Variants in PCDHGA6 observed in about 807,000 individuals in gnomAD.
The protein encoded by PCDHGA6 is protocadherin gamma-A6.
A neutral mutation model predicts 60.6 loss-of-function variants in PCDHGA6; 41 were observed. The ratio of observed to expected loss-of-function variants is 0.68; its 90% CI spans 0.53 to 0.88. The LOEUF (loss-of-function observed/expected upper bound fraction) is 0.88. Among genes scored for constraint, PCDHGA6 ranks in the 40% least tolerant of loss-of-function variants. The pLI, the probability that PCDHGA6 is intolerant of heterozygous loss-of-function variation, is 0.00. For synonymous variants in PCDHGA6, 594 were observed against 524.4 expected (o/e 1.13, Z -1.81); for missense variants, 1,312 against 1,203.0 (o/e 1.09, Z -1.34).
intron 1 of PCDHGA6, chr5:141,399,207 A>T (rs771939823): frequency 1.2e-6 from 2 of 1,613,992 alleles, no homozygotes; most frequent in South Asian, 2.2e-5. Flanking sequence ...TGCCTGGAAC[A>T]CTAATTGCTT....
intron 1 of PCDHGA6, among the ~76,000 whole-genome samples, chr5:141,444,476 C>A (rs1228271706): frequency 6.6e-6 from 1 of 152,088 alleles, no homozygotes; most frequent in Non-Finnish European, 1.5e-5. Flanking sequence ...CGGTCGCGTA[C>A]TGGATTTATA....
At chr5:141,428,136 G>A in intron 1 of PCDHGA6, 2 of 1,600,778 alleles carry the variant, frequency 1.2e-6, no homozygotes, top group South Asian at 1.1e-5. Flanking sequence ...TTTCAGCCTG[G>A]GGCTGCACAC....
Position 141,374,303 on chromosome 5 carries a change from C to A in PCDHGA6, c.220C>A (p.Leu74Ile). ...VRIVSRGRMQ[L>I]FSLNPRNGSL... ...CATCGTCTCCAGAGGTAGGATGCAG[C>A]TTTTCTCTCTGAATCCGCGAAACGG... is the stretch of plus-strand genomic sequence containing the variant. The change falls in exon 1 of 4, where the codon CTT (leucine) becomes ATT (isoleucine). Residue 74 changes from leucine to isoleucine, a missense_variant. Leu to Ile is a conservative substitution (Grantham distance 5). Transcript: ENST00000517434. 6.2e-7 allele frequency: 1 copy of A among 1,613,938 alleles called. No individual in the cohort carries two copies. Among genetic ancestry groups the A allele is most frequent in the Non-Finnish European group, 8.5e-7 (1 of 1,179,832 alleles).
intron 1 of PCDHGA6, among the ~76,000 whole-genome samples, chr5:141,436,410 G>T (rs2154557099): frequency 6.6e-6 from 1 of 152,200 alleles, no homozygotes; most frequent in East Asian, 1.9e-4. Flanking sequence ...TTGAATGAAT[G>T]GATAAACAAA....
intron 1 of PCDHGA6, among the ~76,000 whole-genome samples, chr5:141,467,743 C>T (rs1166073224): frequency 8.5e-5 from 13 of 152,052 alleles, no homozygotes; most frequent in Non-Finnish European, 1.8e-4. Flanking sequence ...CTCGCTGCAA[C>T]CTCCGCCTCA....
chr5:141,433,361 A>ATCTATCTATCTC, intron 1 of PCDHGA6: 1 of 297,578 alleles, frequency 3.4e-6, no homozygotes, highest in Non-Finnish European at 6.3e-6. Context: ...CTGTCTGCCT[A>ATCTATCTATCTC]TCTATCTATC....
Position 141,375,182 on chromosome 5 carries a change from G to A in PCDHGA6, c.1099G>A (p.Ala367Thr), listed in dbSNP as rs1194415432. The A allele has an allele frequency of 2.5e-6, 4 of 1,613,936 alleles. No individual in the cohort carries two copies. The highest frequency in any genetic ancestry group is 1.1e-5 in the South Asian group (1 of 91,082). Reference protein sequence around the residue: ...AESAPPGTVIALFQVFDRDSG... With the variant: ...AESAPPGTVITLFQVFDRDSG... ...AAGTGCACCTCCAGGAACAGTAATC[G>A]CCCTTTTTCAAGTGTTCGATCGAGA... The change falls in exon 1 of 4, where the codon GCC (alanine) becomes ACC (threonine). Residue 367 changes from alanine to threonine, a missense_variant. Ala to Thr is a moderately conservative substitution (Grantham distance 58, BLOSUM62 0). Transcript: ENST00000517434.
intron 1 of PCDHGA6, among the ~76,000 whole-genome samples, chr5:141,402,286 C>T (rs2094248272): frequency 6.6e-6 from 1 of 151,638 alleles, no homozygotes; most frequent in Non-Finnish European, 1.5e-5. Flanking sequence ...ATAATCTATC[C>T]TTATATATGT....
rs191188858 is a variant in PCDHGA6, at chr5:141,472,077, A to G, written c.2425-22730A>G. On this transcript the variant is annotated intron_variant, in intron 1 of 3. Transcript: ENST00000517434. ...GATTGACATGTCTGTGGTTATATCA[A>G]TGAGTACTATTATTATTCCCATTTT... 2.4e-3 allele frequency among the ~76,000 whole-genome samples: 365 copies of G among 152,346 alleles called. 2 individuals carry two copies. Among genetic ancestry groups the G allele is most frequent in the African/African-American group, 8.4e-3 (351 of 41,580 alleles).
At position 141,491,134 on chromosome 5, in the gene PCDHGA6, C is replaced by T. The variant is rs1594979273; in HGVS notation, c.2425-3673C>T. Reference sequence around the variant, plus strand: ...ACACACTGGTGAGGTGCGCACAGCCCGGGCCTTACTGGAGGATGACTCTGA... The same window carrying T: ...ACACACTGGTGAGGTGCGCACAGCCTGGGCCTTACTGGAGGATGACTCTGA... On this transcript the variant is annotated intron_variant, in intron 1 of 3. Transcript: ENST00000517434. The surrounding 1 kb of genome is among the most constrained non-coding windows in gnomAD (Gnocchi z 6.9). The T allele has an allele frequency of 6.2e-7, 1 of 1,614,138 alleles. No homozygotes were observed. Among genetic ancestry groups the T allele is most frequent in the Non-Finnish European group, 8.5e-7 (1 of 1,179,994 alleles).
rs775712620 is a variant in PCDHGA6, at chr5:141,491,341, G to T, written c.2425-3466G>T. 1 of 1,613,982 alleles carries T rather than the reference G, an allele frequency of 6.2e-7. No homozygotes were observed. The highest frequency in any genetic ancestry group is 8.5e-7 in the Non-Finnish European group (1 of 1,180,016). ...TTACCTCATTGTGGCTCTAGCGACC[G>T]TCAGTCTCTTATCCCTAGTCACCTT... On this transcript the variant is annotated intron_variant, in intron 1 of 3. Coordinates refer to ENST00000517434, the MANE Select transcript of PCDHGA6 (RefSeq NM_018919.3). The surrounding 1 kb of genome is among the most constrained non-coding windows in gnomAD (Gnocchi z 6.9).
chr5:141,396,626 A>G (rs1273835228), intron 1 of PCDHGA6: 1 of 152,182 alleles, frequency 6.6e-6, no homozygotes, highest in African/African-American at 2.4e-5. Flanking sequence ...TCTCAAAAAA[A>G]AAAAAAACTA....
At chr5:141,390,455 T>C (rs2092151799) in intron 1 of PCDHGA6, 6 of 771,128 alleles carry the variant, frequency 7.8e-6, no homozygotes, top group Non-Finnish European at 1.2e-5. Context: ...AGGAGTAAAG[T>C]AGGAGCAATT....
At chr5:141,475,715 C>T (rs989484033) in intron 1 of PCDHGA6, among the ~76,000 whole-genome samples, 1 of 152,366 alleles carries the variant, frequency 6.6e-6, no homozygotes, top group African/African-American at 2.4e-5. Context: ...AGCCTCACAG[C>T]CCCAAGGCTG....
intron 1 of PCDHGA6, among the ~76,000 whole-genome samples, chr5:141,470,814 A>T (rs1170059292): frequency 2.6e-5 from 4 of 152,006 alleles, no homozygotes; most frequent in Admixed American, 6.5e-5. Context: ...CAGCCTTCTG[A>T]GTAGTTAGGA....
At position 141,398,098 on chromosome 5, in the gene PCDHGA6, C is replaced by T. The variant is rs770737294; in HGVS notation, c.2424+21591C>T. 2.5e-6 allele frequency: 4 copies of T among 1,596,954 alleles called. No homozygotes were observed. In the South Asian group the frequency reaches 4.5e-5, roughly 18 times the overall value. ...TTATTTGTAACCTGGCGTCTCCAGGCTGGTGAGCAAGCTGAGGAGAGCAAG... is the reference window on the plus strand; with the variant it reads ...TTATTTGTAACCTGGCGTCTCCAGGTTGGTGAGCAAGCTGAGGAGAGCAAG... On this transcript the variant is annotated intron_variant, in intron 1 of 3. Transcript: ENST00000517434.
chr5:141,399,695 C>G, intron 1 of PCDHGA6: 1 of 1,613,480 alleles, frequency 6.2e-7, no homozygotes, highest in South Asian at 1.1e-5. Flanking sequence ...CAGCTGCGCA[C>G]CTTCGAACTC....
chr5:141,382,592 A>C (rs1264942970), intron 1 of PCDHGA6: 2 of 246,462 alleles, frequency 8.1e-6, no homozygotes, highest in Non-Finnish European at 1.5e-5. Flanking sequence ...TTGAAAGATG[A>C]AACAATTTTC....
intron 2 of PCDHGA6, among the ~76,000 whole-genome samples, chr5:141,500,928 G>A (rs2099803943): frequency 6.6e-6 from 1 of 151,476 alleles, no homozygotes; most frequent in African/African-American, 2.4e-5. Context: ...GGGTGCAGTG[G>A]CGCCATCTCG....
Sources: allele counts gnomAD v4.1 joint callset (sites outside exome capture counted in the v4.1 genomes callset), GRCh38; gene constraint gnomAD v4.1.1; non-coding constraint Gnocchi (gnomAD v3.1); transcripts MANE v1.5; gene names NCBI Gene and HGNC (gene_info 2026-07-23, HGNC 2026-07-21).